Variants in GRID2 observed in about 807,000 individuals in gnomAD.
GRID2 encodes glutamate ionotropic receptor delta type subunit 2.
Under a neutral mutation model 114.8 loss-of-function variants are expected in GRID2, and 33 were observed. The ratio of observed to expected loss-of-function variants is 0.29; its 90% CI spans 0.22 to 0.38. The LOEUF (loss-of-function observed/expected upper bound fraction) is 0.38, where lower values mean the gene tolerates loss of function less well. GRID2 is among the 10% of genes least tolerant of loss of function. The probability of loss-of-function intolerance (pLI) is 1.00; values close to 1 mark genes in which losing one functional copy is unlikely to be tolerated. For synonymous variants in GRID2, 505 were observed against 449.9 expected, an observed-to-expected ratio of 1.12 and a Z score of -1.55; for missense variants, 1,184 against 1,257.7, an observed-to-expected ratio of 0.94 and a Z score of 0.89.
intron 2 of GRID2, among the ~76,000 whole-genome samples, chr4:92,806,298 C>T (rs1740414871): frequency 6.6e-6 from 1 of 151,758 alleles, no homozygotes; most frequent in Non-Finnish European, 1.5e-5. Flanking sequence ...AGAAAACTAT[C>T]TCTTACACAA....
At chr4:93,533,885 T>C (rs1017925766) in intron 13 of GRID2, among the ~76,000 whole-genome samples, 17 of 152,110 alleles carry the variant, frequency 1.1e-4, no homozygotes, top group African/African-American at 4.1e-4. Context: ...TGCTCAAAAT[T>C]GTTCATTGGC....
intron 1 of GRID2, among the ~76,000 whole-genome samples, chr4:92,320,275 T>C (rs1459721075): frequency 1.3e-5 from 2 of 152,170 alleles, no homozygotes; most frequent in East Asian, 3.9e-4. Context: ...AACAGTGTTT[T>C]TCTAGTCATC....
chr4:92,515,088 G>C (rs1314912210), intron 1 of GRID2, among the ~76,000 whole-genome samples: 2 of 151,782 alleles, frequency 1.3e-5, no homozygotes, highest in South Asian at 4.1e-4. Flanking sequence ...TGACATAGTC[G>C]ATACATATAA....
At chr4:92,737,096 C>G (rs913085772) in intron 2 of GRID2, among the ~76,000 whole-genome samples, 3 of 152,038 alleles carry the variant, frequency 2.0e-5, no homozygotes, top group African/African-American at 7.2e-5. Context: ...TTCAGGACAT[C>G]TAGCTCTTCA....
At chr4:92,735,158 C>A (rs910108425) in intron 2 of GRID2, among the ~76,000 whole-genome samples, 1 of 151,886 alleles carries the variant, frequency 6.6e-6, no homozygotes, top group Non-Finnish European at 1.5e-5. Context: ...TAATATTAAT[C>A]CTTTTTGATA....
At chr4:93,716,470 C>T (rs1728912706) in intron 14 of GRID2, among the ~76,000 whole-genome samples, 1 of 151,990 alleles carries the variant, frequency 6.6e-6, no homozygotes, top group Admixed American at 6.6e-5. Context: ...ACACTATTGT[C>T]AACAGAATAT....
At chr4:92,975,800 C>T (rs766833146) in intron 2 of GRID2, among the ~76,000 whole-genome samples, 6 of 151,896 alleles carry the variant, frequency 4.0e-5, no homozygotes, top group African/African-American at 9.7e-5. Flanking sequence ...CAAGAGAATA[C>T]GAATTTAATA....
At chr4:92,463,828 G>C (rs1403004233) in intron 1 of GRID2, among the ~76,000 whole-genome samples, 1 of 151,940 alleles carries the variant, frequency 6.6e-6, no homozygotes, top group Non-Finnish European at 1.5e-5. Flanking sequence ...TAGTAAGTGG[G>C]ATACTGAAGT....
At chr4:92,730,062 T>A (rs779839803) in intron 2 of GRID2, among the ~76,000 whole-genome samples, 1 of 152,004 alleles carries the variant, frequency 6.6e-6, no homozygotes, top group Non-Finnish European at 1.5e-5. Flanking sequence ...TTGTATTAGT[T>A]GCTAAACTCT....
chr4:92,822,992 G>T (rs946755537), intron 2 of GRID2: 1 of 152,194 alleles, frequency 6.6e-6, no homozygotes, highest in Non-Finnish European at 1.5e-5. Flanking sequence ...AAACACCACA[G>T]CCAGTCCTGC....
chr4:93,397,654 T>C (rs1357637614), intron 9 of GRID2, among the ~76,000 whole-genome samples: 1 of 151,886 alleles, frequency 6.6e-6, no homozygotes, highest in Non-Finnish European at 1.5e-5. Flanking sequence ...ACAGCTCAGA[T>C]TGATTAAATA....
chr4:92,690,390 T>A (rs1734127739), intron 2 of GRID2, among the ~76,000 whole-genome samples: 1 of 152,074 alleles, frequency 6.6e-6, no homozygotes, highest in African/African-American at 2.4e-5. Flanking sequence ...ATTGTCTAAG[T>A]TTGCTGTCTT....
intron 2 of GRID2, among the ~76,000 whole-genome samples, chr4:92,887,167 G>T (rs1746433073): frequency 6.6e-6 from 1 of 151,560 alleles, no homozygotes; most frequent in African/African-American, 2.4e-5. Flanking sequence ...TTCCCATCCT[G>T]GAGGTCTACA....
chr4:92,582,000 GCTAA>G (rs1479242845), intron 1 of GRID2, among the ~76,000 whole-genome samples: 3 of 151,740 alleles, frequency 2.0e-5, no homozygotes, highest in Non-Finnish European at 2.9e-5. Context: ...TTTCCTATAG[GCTAA>G]CTAATTATGG....
intron 1 of GRID2, among the ~76,000 whole-genome samples, chr4:92,578,556 C>T (rs1215931390): frequency 1.3e-5 from 2 of 151,800 alleles, no homozygotes; most frequent in East Asian, 3.9e-4. Context: ...ATATGGAAAA[C>T]AACATAATTA....
chr4:92,672,156 T>C (rs1733105621), intron 2 of GRID2, among the ~76,000 whole-genome samples: 1 of 152,182 alleles, frequency 6.6e-6, no homozygotes, highest in Non-Finnish European at 1.5e-5. Context: ...TCGTATAGTA[T>C]ATTTCCATGT....
chr4:92,797,240 G>C (rs1739925579), intron 2 of GRID2, among the ~76,000 whole-genome samples: 1 of 151,876 alleles, frequency 6.6e-6, no homozygotes, highest in Non-Finnish European at 1.5e-5. Flanking sequence ...TAAACAACAT[G>C]CAAGAACCAT....
intron 1 of GRID2, among the ~76,000 whole-genome samples, chr4:93,788,083 G>A (rs559475652): frequency 1.3e-5 from 2 of 152,214 alleles, no homozygotes; most frequent in African/African-American, 4.8e-5. Flanking sequence ...TTAGGAGGCC[G>A]AGGCGGGTGG....
intron 13 of GRID2, among the ~76,000 whole-genome samples, chr4:93,571,240 A>G (rs1045709491): frequency 6.6e-6 from 1 of 152,124 alleles, no homozygotes; most frequent in African/African-American, 2.4e-5. Context: ...CTCATGAAAC[A>G]TACCTTCTTT....
Sources: gnomAD v4.1 joint callset for allele counts (sites outside exome capture counted in the v4.1 genomes callset) on GRCh38, gnomAD v4.1.1 for gene constraint, MANE v1.5 for transcripts, NCBI Gene and HGNC (gene_info 2026-07-23, HGNC 2026-07-21) for gene names.